The following SLC25A26 variants were observed in gnomAD, a reference collection of about 807,000 sequenced individuals.
The protein encoded by SLC25A26 is mitochondrial S-adenosylmethionine carrier protein.
Under a neutral mutation model 37.8 loss-of-function variants are expected in SLC25A26, and 36 were observed. The observed-to-expected ratio is 0.95, with a 90% CI of 0.73 to 1.26. SLC25A26 has a LOEUF of 1.26. Ranked by LOEUF, SLC25A26 falls within the 50% of genes most tolerant of loss-of-function variation. The pLI, the probability that SLC25A26 is intolerant of heterozygous loss-of-function variation, is 0.00. For missense variants in SLC25A26, 390 were observed against 331.1 expected (o/e 1.18, Z -1.38); for synonymous variants, 129 against 122.5 (o/e 1.05, Z -0.35).
intron 1 of SLC25A26, among the ~76,000 whole-genome samples, chr3:66,173,432 A>G (rs2070529187): frequency 2.0e-5 from 3 of 152,212 alleles, no homozygotes; most frequent in Non-Finnish European, 1.5e-5. Flanking sequence ...ACAGTCTTGT[A>G]GGTAATGCTG....
At chr3:66,343,980 G>T (rs180918051) in intron 5 of SLC25A26, among the ~76,000 whole-genome samples, 8 of 152,198 alleles carry the variant, frequency 5.3e-5, no homozygotes, top group East Asian at 3.9e-4. Flanking sequence ...CATTCGGGGG[G>T]GCTGGCTGCC....
chr3:66,219,649 C>T (rs2071416472), upstream of SLC25A26, among the ~76,000 whole-genome samples: 1 of 152,028 alleles, frequency 6.6e-6, no homozygotes, highest in African/African-American at 2.4e-5. Context: ...TGTAGTCCGG[C>T]TAGTGGGAAG....
At chr3:66,145,202 G>A (rs1025751379) in intron 1 of SLC25A26, among the ~76,000 whole-genome samples, 2 of 152,170 alleles carry the variant, frequency 1.3e-5, no homozygotes, top group African/African-American at 4.8e-5. Flanking sequence ...AATATCATGT[G>A]AAAGGAGAAA....
intron 5 of SLC25A26, among the ~76,000 whole-genome samples, chr3:66,333,628 G>T (rs893920447): frequency 1.8e-4 from 28 of 152,018 alleles, no homozygotes; most frequent in African/African-American, 6.8e-4. Context: ...ATGTGTTGTT[G>T]TGTTTTCTTG....
intron 1 of SLC25A26, among the ~76,000 whole-genome samples, chr3:66,195,456 C>T (rs2106801500): frequency 6.6e-6 from 1 of 152,370 alleles, no homozygotes; most frequent in South Asian, 2.1e-4. Flanking sequence ...ACGGGGAGAT[C>T]TGCTGCATCC....
At chr3:66,338,041 C>T (rs376855341) in intron 5 of SLC25A26, among the ~76,000 whole-genome samples, 1 of 151,970 alleles carries the variant, frequency 6.6e-6, no homozygotes, top group Non-Finnish European at 1.5e-5. Context: ...TCTTCAGTCC[C>T]ATTCTGCCTG....
chr3:66,311,360 C>T (rs905396310), intron 5 of SLC25A26, among the ~76,000 whole-genome samples: 2 of 152,092 alleles, frequency 1.3e-5, no homozygotes, highest in African/African-American at 2.4e-5. Flanking sequence ...ATGTTCGTGT[C>T]TAAACTGGTT....
At chr3:66,363,403 G>A (rs1205330055) in intron 7 of SLC25A26, among the ~76,000 whole-genome samples, 6 of 151,864 alleles carry the variant, frequency 4.0e-5, no homozygotes, top group Non-Finnish European at 5.9e-5. Flanking sequence ...ATAACTTACT[G>A]AAGGGTAAAC....
At chr3:66,300,252 TTTTG>T (rs1299837000) in intron 5 of SLC25A26, among the ~76,000 whole-genome samples, 3 of 104,352 alleles carry the variant, frequency 2.9e-5, no homozygotes, top group Non-Finnish European at 4.7e-5. Flanking sequence ...GGTTTTTTTG[TTTTG>T]TTTTTTTTTT....
intron 1 of SLC25A26, among the ~76,000 whole-genome samples, chr3:66,158,867 G>A (rs900113558): frequency 6.6e-6 from 1 of 152,106 alleles, no homozygotes; most frequent in African/African-American, 2.4e-5. Context: ...AGTTCCTGAA[G>A]CCTGCTAAGA....
chr3:66,332,327 C>G (rs1369766069), intron 5 of SLC25A26, among the ~76,000 whole-genome samples: 1 of 152,156 alleles, frequency 6.6e-6, no homozygotes, highest in African/African-American at 2.4e-5. Flanking sequence ...TTCATACTTT[C>G]AATTCAGTCC....
chr3:66,317,557 G>A (rs1454384018), intron 5 of SLC25A26, among the ~76,000 whole-genome samples: 2 of 152,168 alleles, frequency 1.3e-5, no homozygotes, highest in Non-Finnish European at 2.9e-5. Flanking sequence ...GTGTCTGCAG[G>A]CTTTTGTCAG....
At chr3:66,195,698 T>C (rs2071035106) in intron 1 of SLC25A26, among the ~76,000 whole-genome samples, 1 of 152,198 alleles carries the variant, frequency 6.6e-6, no homozygotes, top group African/African-American at 2.4e-5. Flanking sequence ...GGTGCCGGCA[T>C]TTTAAAATAT....
intron 5 of SLC25A26, among the ~76,000 whole-genome samples, chr3:66,317,229 C>T (rs1025568254): frequency 3.2e-4 from 48 of 152,186 alleles, no homozygotes; most frequent in African/African-American, 1.2e-3. Context: ...GATTCTTTAT[C>T]ATCTTCATGG....
chr3:66,355,058 A>G (rs987185772), intron 6 of SLC25A26, among the ~76,000 whole-genome samples: 1 of 151,942 alleles, frequency 6.6e-6, no homozygotes, highest in Non-Finnish European at 1.5e-5. Context: ...AGCTCATAGA[A>G]CCCCCAGTCA....
chr3:66,210,303 GA>G (rs1559578457), intron 1 of SLC25A26, among the ~76,000 whole-genome samples: 1 of 151,870 alleles, frequency 6.6e-6, no homozygotes, highest in Admixed American at 6.6e-5. Flanking sequence ...AAGTTCTGGG[GA>G]AAAAATATGA....
intron 2 of SLC25A26, among the ~76,000 whole-genome samples, chr3:66,242,828 A>G (rs904824320): frequency 6.6e-6 from 1 of 152,262 alleles, no homozygotes; most frequent in Non-Finnish European, 1.5e-5. Flanking sequence ...CTGTTTATTC[A>G]TCAATGTAGT....
intron 1 of SLC25A26, among the ~76,000 whole-genome samples, chr3:66,222,262 G>T (rs1553658807): frequency 6.6e-6 from 1 of 151,438 alleles, no homozygotes; most frequent in East Asian, 1.9e-4. Context: ...CTCACTGCAG[G>T]CTCCACCTCT....
chr3:66,204,909 A>G lies in SLC25A26; in HGVS notation c.-353-15833A>G, dbSNP rs923783578. On this transcript the variant is annotated intron_variant, in intron 1 of 10. Coordinates refer to the SLC25A26 transcript ENST00000676754. ...TAAACAGCTGACTGCAAAGAAGACTATGGAACTAGCAGGTAGGGAAGGGTA... is the reference window on the plus strand; with the variant it reads ...TAAACAGCTGACTGCAAAGAAGACTGTGGAACTAGCAGGTAGGGAAGGGTA... Among the ~76,000 whole-genome samples the G allele has an allele frequency of 3.9e-5, 6 of 152,320 alleles. No homozygotes were observed. In the South Asian group the frequency reaches 8.3e-4, roughly 21 times the overall value.
Sources: gnomAD v4.1 joint callset for allele counts (sites outside exome capture counted in the v4.1 genomes callset) on GRCh38, gnomAD v4.1.1 for gene constraint, MANE v1.5 for transcripts, NCBI Gene and HGNC (gene_info 2026-07-23, HGNC 2026-07-21) for gene names.